NCOR1: variants seen among roughly 807,000 people sequenced by gnomAD.
The protein encoded by NCOR1 is protein phosphatase 1, regulatory subunit 109.
A neutral mutation model predicts 288.1 loss-of-function variants in NCOR1; 63 were observed. The observed-to-expected ratio is 0.22, with a 90% confidence interval of 0.18 to 0.27. NCOR1 has a LOEUF of 0.27. Among genes scored for constraint, NCOR1 ranks in the 10% least tolerant of loss-of-function variants. NCOR1 has a pLI of 1.00. For missense variants in NCOR1, 2,397 were observed against 3,019.2 expected (o/e 0.79, Z 4.83); for synonymous variants, 1,007 against 1,065.9 (o/e 0.94, Z 1.08).
At chr17:16,045,377 A>G (rs1194750242) in intron 42 of NCOR1, among the ~76,000 whole-genome samples, 1 of 152,208 alleles carries the variant, frequency 6.6e-6, no homozygotes, top group African/African-American at 2.4e-5. Context: ...CAAAATGGAG[A>G]TAATTGTAAT....
chr17:16,132,798 T>G (rs1307573447), intron 14 of NCOR1, among the ~76,000 whole-genome samples: 2 of 151,198 alleles, frequency 1.3e-5, no homozygotes, highest in Non-Finnish European at 3.0e-5. Context: ...ACACTTTTTT[T>G]TTTTTTTTTT....
chr17:16,120,259 C>T (rs925553189), intron 16 of NCOR1, among the ~76,000 whole-genome samples: 2 of 152,118 alleles, frequency 1.3e-5, no homozygotes, highest in African/African-American at 4.8e-5. Flanking sequence ...CTAAACTGAC[C>T]TCCACAATTG....
At chr17:16,141,576 G>A (rs2077165897) in intron 11 of NCOR1, among the ~76,000 whole-genome samples, 1 of 151,698 alleles carries the variant, frequency 6.6e-6, no homozygotes, top group African/African-American at 2.4e-5. Flanking sequence ...TGCAAAACAG[G>A]GTATCATAAT....
At chr17:16,067,764 T>C (rs1441354258) in intron 32 of NCOR1, 130 bp downstream of exon 32, 2 of 893,382 alleles carry the variant, frequency 2.2e-6, no homozygotes, top group East Asian at 5.6e-5. Context: ...GAATTTAGTT[T>C]GTGAAAATTC....
intron 11 of NCOR1, among the ~76,000 whole-genome samples, chr17:16,139,627 A>G (rs915466066): frequency 6.6e-6 from 1 of 152,186 alleles, no homozygotes; most frequent in African/African-American, 2.4e-5. Flanking sequence ...AAAAATAAGC[A>G]AACAGGCATC....
Position 16,070,205 on chromosome 17 carries a change from G to A in NCOR1, c.4473C>T (p.Thr1491=), listed in dbSNP as rs2061593100. 11 of 1,613,514 alleles carry A rather than the reference G, an allele frequency of 6.8e-6. No homozygotes were observed. Among genetic ancestry groups the A allele is most frequent in the Non-Finnish European group, 9.3e-6 (11 of 1,179,922 alleles). The change falls in exon 31 of 46, where the codon ACC becomes ACT. Residue 1491 remains threonine (T), a synonymous_variant. Transcript: ENST00000268712. The part of the protein sequence containing the change: ...ARRTPVSYQN[T]MSRGSPMMNR... The stretch of plus-strand genomic sequence containing the variant: ...TCATCATGGGTGAGCCTCTGGACAT[G>A]GTGTTTTGATAACTCACAGGGGTCC...
chr17:16,071,629 C>T lies in NCOR1; in HGVS notation c.3932G>A (p.Gly1311Asp), dbSNP rs2152737044. 6.2e-7 allele frequency: 1 copy of T among 1,613,656 alleles called. No homozygotes were observed. Among genetic ancestry groups the T allele is most frequent in the South Asian group, 1.1e-5 (1 of 90,962 alleles). Residue 1311 changes from glycine to aspartate, a missense_variant, in exon 30 of 46, where the codon GGC (glycine) becomes GAC (aspartate). Coordinates refer to ENST00000268712, the MANE Select transcript of NCOR1 (RefSeq NM_006311.4). ...TTTAATTTGTTTGGGATATTTAAGG[C>T]CATCTTCAAAGCTTTCAGTTGTTGC... ...PRATTESFED[G>D]LKYPKQIKRE...
At chr17:16,142,708 T>C (rs2077326488) in intron 11 of NCOR1, among the ~76,000 whole-genome samples, 1 of 152,150 alleles carries the variant, frequency 6.6e-6, no homozygotes, top group African/African-American at 2.4e-5. Flanking sequence ...AGAAGCACAA[T>C]AGAAATAAAT....
intron 3 of NCOR1, 46 bp from the exon 4 acceptor site, chr17:16,172,041 G>A (rs1392191048): frequency 2.1e-6 from 3 of 1,418,666 alleles, no homozygotes; most frequent in African/African-American, 1.4e-5. Context: ...TGTAAGTGAT[G>A]TACAACTCCC....
intron 3 of NCOR1, among the ~76,000 whole-genome samples, chr17:16,181,221 G>A (rs868190155): frequency 0.045 from 6,389 of 142,518 alleles, 248 homozygotes; most frequent in African/African-American, 0.11. Flanking sequence ...ATGTGTGTGT[G>A]TGTGTGTGTG....
chr17:16,159,204 G>C (rs958567288), intron 5 of NCOR1, among the ~76,000 whole-genome samples: 1 of 151,752 alleles, frequency 6.6e-6, no homozygotes, highest in African/African-American at 2.4e-5. Context: ...ACCTGAGGTC[G>C]GGAGTTCGAG....
At chr17:16,054,053 G>A (rs1376888328) in intron 40 of NCOR1, among the ~76,000 whole-genome samples, 13 of 127,314 alleles carry the variant, frequency 1.0e-4, no homozygotes, top group African/African-American at 3.7e-4. Flanking sequence ...ACTCAAGATG[G>A]ATTAAAGACT....
At chr17:16,137,257 C>T (rs2153234074) in intron 14 of NCOR1, 54 bp downstream of exon 14, 3 of 1,174,592 alleles carry the variant, frequency 2.6e-6, no homozygotes, top group African/African-American at 1.5e-5. Flanking sequence ...ACACTTTTTG[C>T]TTGCCTATTT....
intron 1 of NCOR1, among the ~76,000 whole-genome samples, chr17:16,211,031 G>A (rs1387875396): frequency 1.3e-5 from 2 of 151,800 alleles, no homozygotes; most frequent in East Asian, 1.9e-4. Context: ...GCGCCTGGCC[G>A]ATTTTTAAGT....
At chr17:16,175,922 C>G (rs367648123) in intron 3 of NCOR1, among the ~76,000 whole-genome samples, 1 of 151,764 alleles carries the variant, frequency 6.6e-6, no homozygotes, top group Non-Finnish European at 1.5e-5. Context: ...ATTCGGTCAT[C>G]AAGAAATTCT....
intron 1 of NCOR1, among the ~76,000 whole-genome samples, chr17:16,209,504 T>C (rs1297843709): frequency 6.6e-6 from 1 of 151,864 alleles, no homozygotes; most frequent in Non-Finnish European, 1.5e-5. Flanking sequence ...GGAGGATTAC[T>C]TGAGCCCAGA....
At chr17:16,110,383 T>G (rs76991955) in intron 18 of NCOR1, among the ~76,000 whole-genome samples, 1 of 151,868 alleles carries the variant, frequency 6.6e-6, no homozygotes, top group African/African-American at 2.4e-5. Context: ...AAAACAAAAA[T>G]TTTTTTTAAT....
intron 13 of NCOR1, 90 bp downstream of exon 13, chr17:16,138,068 G>A: frequency 9.8e-7 from 1 of 1,020,620 alleles, no homozygotes; most frequent in South Asian, 1.4e-5. Flanking sequence ...ATCGGTTCTA[G>A]TTAACTACTT....
At chr17:16,144,470 T>C (rs1463382790) in intron 10 of NCOR1, among the ~76,000 whole-genome samples, 8 of 152,184 alleles carry the variant, frequency 5.3e-5, no homozygotes, top group Non-Finnish European at 1.2e-4. Context: ...AGTTAGTGGG[T>C]ACATGTGCAA....
Sources: allele counts gnomAD v4.1 joint callset (sites outside exome capture counted in the v4.1 genomes callset), GRCh38; gene constraint gnomAD v4.1.1; transcripts MANE v1.5; gene names NCBI Gene and HGNC (gene_info 2026-07-23, HGNC 2026-07-21).